PLD4: variants seen among roughly 807,000 people sequenced by gnomAD.
The protein encoded by PLD4 is phospholipase D family member 4, also known as 5'-3' exonuclease PLD4.
In PLD4, 54 loss-of-function variants were observed where a neutral mutation model predicts 52.3. That is an observed-to-expected ratio of 1.03 (90% confidence interval 0.83 to 1.30). PLD4 has a LOEUF of 1.30. Ranked by LOEUF, PLD4 falls within the 50% of genes most tolerant of loss-of-function variation. The pLI, the probability that PLD4 is intolerant of heterozygous loss-of-function variation, is 0.00. For synonymous variants in PLD4, 264 were observed against 286.5 expected, an observed-to-expected ratio of 0.92 and a Z score of 0.79; for missense variants, 731 against 671.1, an observed-to-expected ratio of 1.09 and a Z score of -0.99.
At position 104,932,447 on chromosome 14, in the gene PLD4, G is replaced by A. The variant is rs1897687796; in HGVS notation, c.1321+92G>A. 7.1e-7 allele frequency: 1 copy of A among 1,400,260 alleles called. No individual in the cohort carries two copies. The highest frequency in any genetic ancestry group is 2.4e-4 in the Middle Eastern group (1 of 4,144). 86.7% of individuals were successfully genotyped at this position (1,400,260 alleles called of 1,614,324 possible). A position where few individuals can be genotyped will look rare whatever the true frequency, so the allele number is the denominator to read the frequency against. On this transcript the variant is annotated intron_variant, in intron 10 of 10. Coordinates refer to ENST00000392593, the MANE Select transcript of PLD4 (RefSeq NM_138790.5). This position sits in a 1 kb window ranked among gnomAD's most constrained non-coding sequence, Gnocchi z 6.5. ...CTTTGTGACCGGCGTGGACACCTCA[G>A]GAGGGAGGGGCTGCTGCTGAAGGGG...
chr14:104,928,884 G>A lies in PLD4; in HGVS notation c.420G>A (p.Trp140Ter), dbSNP rs201124199. ...QESVHVASYY[W>*]SLTGPDIGVN... The stretch of plus-strand genomic sequence containing the variant: ...GCGTCCACGTGGCTTCATACTACTG[G>A]TCCCTCACAGGGCCTGACATCGGGG... The change falls in exon 4 of 11, where the codon TGG becomes TGA. Residue 140 changes from tryptophan to a stop codon, truncating the protein, a stop_gained. Coordinates refer to ENST00000392593, the MANE Select transcript of PLD4 (RefSeq NM_138790.5). LOFTEE classifies it high-confidence loss of function. The A allele has an allele frequency of 6.8e-6, 11 of 1,610,832 alleles. No homozygotes were observed. In the African/African-American group the frequency reaches 1.5e-4, roughly 22 times the overall value.
At position 104,929,446 on chromosome 14, in the gene PLD4, C is replaced by T. The variant is rs1026101723; in HGVS notation, c.589+19C>T. The stretch of plus-strand genomic sequence containing the variant: ...GCCCGAGGTGGGTACCTGCACCATG[C>T]TGGGCACCACTGCCCTAGCGTCGGG... On this transcript the variant is annotated intron_variant, in intron 5 of 10. Coordinates refer to ENST00000392593, the MANE Select transcript of PLD4 (RefSeq NM_138790.5). 10 of 1,536,454 alleles carry T rather than the reference C, an allele frequency of 6.5e-6. No individual in the cohort carries two copies. Among genetic ancestry groups the T allele is most frequent in the Admixed American group, 5.9e-5 (3 of 51,106 alleles).
chr14:104,932,420 G>A lies in PLD4; in HGVS notation c.1321+65G>A. The A allele has an allele frequency of 6.5e-7, 1 of 1,541,288 alleles. No individual in the cohort carries two copies. The highest frequency in any genetic ancestry group is 8.9e-7 in the Non-Finnish European group (1 of 1,118,512). On this transcript the variant is annotated intron_variant, in intron 10 of 10. Coordinates refer to ENST00000392593, the MANE Select transcript of PLD4 (RefSeq NM_138790.5). This position sits in a 1 kb window ranked among gnomAD's most constrained non-coding sequence, Gnocchi z 6.5. ...GCCAGGCACGGGCGAGGGAGGCACT[G>A]GCTTTGTGACCGGCGTGGACACCTC...
intron 4 of PLD4, 144 bp downstream of exon 4, chr14:104,929,076 C>T: frequency 8.0e-7 from 1 of 1,251,636 alleles, no homozygotes; most frequent in Non-Finnish European, 1.1e-6. Flanking sequence ...TAGGCCGCTC[C>T]TTTGGGGGCT....
intron 2 of PLD4, among the ~76,000 whole-genome samples, 194 bp downstream of exon 2, chr14:104,927,424 G>C (rs1214639705): frequency 6.6e-6 from 1 of 152,180 alleles, no homozygotes; most frequent in Non-Finnish European, 1.5e-5. Context: ...GCTGGGGACA[G>C]CCAGTTACCA....
chr14:104,928,585 G>C (rs1270306525), intron 3 of PLD4, among the ~76,000 whole-genome samples, 164 bp from the exon 4 acceptor site: 1 of 152,220 alleles, frequency 6.6e-6, no homozygotes, highest in Non-Finnish European at 1.5e-5. Context: ...AGTCTGTTTT[G>C]TTGCCTATAC....
At chr14:104,930,489 AT>A (rs1897605534) in intron 6 of PLD4, 1 of 584,852 alleles carries the variant, frequency 1.7e-6, no homozygotes, top group Admixed American at 3.1e-5. Context: ...GGCTTGATGC[AT>A]TTTCTATTGT....
At chr14:104,931,655 C>T in intron 7 of PLD4, 93 bp from the exon 8 acceptor site, 1 of 1,464,590 alleles carries the variant, frequency 6.8e-7, no homozygotes, top group Non-Finnish European at 9.0e-7. Context: ...TCCCTCCACA[C>T]CACATGGGGC....
Position 104,932,706 on chromosome 14 carries a change from G to C in PLD4, c.1322-59G>C. ...CCCGTAGCCGGGCCTGGCGCTGAGC[G>C]GGCTGCAGAGGGGCCTGTGGGAGCC... On this transcript the variant is annotated intron_variant, in intron 10 of 10. Coordinates refer to ENST00000392593, the MANE Select transcript of PLD4 (RefSeq NM_138790.5). The surrounding 1 kb of genome is among the most constrained non-coding windows in gnomAD (Gnocchi z 6.5). The C allele has an allele frequency of 6.9e-7, 1 of 1,439,672 alleles. No homozygotes were observed. Among genetic ancestry groups the C allele is most frequent in the Middle Eastern group, 2.4e-4 (1 of 4,214 alleles). The allele number at this position is 1,439,672 out of a possible 1,614,324, so 89.2% of individuals were successfully genotyped here.
At chr14:104,929,281 C>T in intron 4 of PLD4, 26 bp from the exon 5 acceptor site, 1 of 1,582,924 alleles carries the variant, frequency 6.3e-7, no homozygotes, top group Admixed American at 1.8e-5. Flanking sequence ...CTGAGGTCAG[C>T]TCTCATGGCT....
In PLD4 at chr14:104,933,174, TC is replaced by T; in HGVS notation, c.*212del. ...GAGCCCCACCTCCTCCAGGGAGCCC[TC>T]CAGGAAGCCCCTTCCCTGACTCCTG... On this transcript the variant is annotated 3_prime_UTR_variant, in exon 11 of 11. Coordinates refer to ENST00000392593, the MANE Select transcript of PLD4 (RefSeq NM_138790.5). 1.8e-6 allele frequency: 1 copy of T among 554,684 alleles called. No homozygotes were observed. The highest frequency in any genetic ancestry group is 3.1e-6 in the Non-Finnish European group (1 of 327,250). The allele number at this position is 554,684 out of a possible 1,614,324, so 34.4% of individuals were successfully genotyped here. A position where few individuals can be genotyped will look rare whatever the true frequency, so the allele number is the denominator to read the frequency against.
At position 104,930,085 on chromosome 14, in the gene PLD4, G is replaced by A. The variant is rs1415912767; in HGVS notation, c.697G>A (p.Asp233Asn). The A allele has an allele frequency of 6.2e-7, 1 of 1,613,478 alleles. No individual in the cohort carries two copies. Among genetic ancestry groups the A allele is most frequent in the East Asian group, 2.2e-5 (1 of 44,884 alleles). Residue 233 changes from aspartate to asparagine, a missense_variant, in exon 6 of 11, where the codon GAC becomes AAC. Transcript: ENST00000392593. ...CATATACATGGGCAGTGCCAACATG[G>A]ACTGGCGGTCTCTGACGCAGGTGAG... ...RHIYMGSANMDWRSLTQVKEL... is the reference protein window; with the variant it reads ...RHIYMGSANMNWRSLTQVKEL...
rs1358856542 is a variant in PLD4 at position 104,930,727 on chromosome 14, C to T, written c.718-15C>T. 6.2e-7 allele frequency: 1 copy of T among 1,613,030 alleles called. No homozygotes were observed. Among genetic ancestry groups the T allele is most frequent in the East Asian group, 2.2e-5 (1 of 44,888 alleles). ...GGGGTTTTTCTCCCACAGCGCCTGACTTTGGTCCCTGCAGGTGAAGGAGCT... is the reference window on the plus strand; with the variant it reads ...GGGGTTTTTCTCCCACAGCGCCTGATTTTGGTCCCTGCAGGTGAAGGAGCT... On this transcript the variant is annotated splice_polypyrimidine_tract_variant and intron_variant, in intron 6 of 10. Coordinates refer to ENST00000392593, the MANE Select transcript of PLD4 (RefSeq NM_138790.5).
chr14:104,929,236 A>G (rs1458023922), intron 4 of PLD4, 71 bp from the exon 5 acceptor site: 54 of 1,556,008 alleles, frequency 3.5e-5, no homozygotes, highest in Non-Finnish European at 4.3e-5. Flanking sequence ...TGAGGAGGAC[A>G]TGGGTCCTAG....
At position 104,929,889 on chromosome 14, in the gene PLD4, C is replaced by T. The variant is rs1897582443; in HGVS notation, c.590-89C>T. On this transcript the variant is annotated intron_variant, in intron 5 of 10. Coordinates refer to ENST00000392593, the MANE Select transcript of PLD4 (RefSeq NM_138790.5). ...ACTGTTGTGAGGACATCTGAGTCAA[C>T]CCCACTGTCAAGAGCTTGGGGTCAG... is the stretch of plus-strand genomic sequence containing the variant. 3 of 1,484,914 alleles carry T rather than the reference C, an allele frequency of 2.0e-6. No homozygotes were observed. The Admixed American group carries it at 5.4e-5, about 27-fold the overall frequency. 92.0% of individuals were successfully genotyped at this position (1,484,914 alleles called of 1,614,324 possible).
chr14:104,929,197 G>A, intron 4 of PLD4, 110 bp from the exon 5 acceptor site: 1 of 1,483,462 alleles, frequency 6.7e-7, no homozygotes, highest in Non-Finnish European at 9.1e-7. Flanking sequence ...ACCTGACCTT[G>A]AGCTGTGGGC....
chr14:104,927,370 C>T (rs879448), intron 2 of PLD4, 140 bp downstream of exon 2: 344,584 of 787,032 alleles, frequency 0.44, 83,086 homozygotes, highest in Middle Eastern at 0.58. Context: ...AGGGAAGCCT[C>T]CCTGGGCTGC....
At chr14:104,936,033 T>C (rs547076073), downstream of PLD4, 1 of 152,350 alleles carries the variant, frequency 6.6e-6, no homozygotes, top group South Asian at 2.1e-4. Context: ...TTTGTAGTGA[T>C]GTTCTTATGC....
chr14:104,932,391 G>C lies in PLD4; in HGVS notation c.1321+36G>C, dbSNP rs749554116. 1 of 1,600,300 alleles carries C rather than the reference G, an allele frequency of 6.2e-7. No individual in the cohort carries two copies. Among genetic ancestry groups the C allele is most frequent in the Non-Finnish European group, 8.5e-7 (1 of 1,169,652 alleles). On this transcript the variant is annotated intron_variant, in intron 10 of 10. Transcript: ENST00000392593. The surrounding 1 kb of genome is among the most constrained non-coding windows in gnomAD (Gnocchi z 6.5). ...TCAGATCACGGCGGGCGGGCCCCAG[G>C]GTGGCCAGGCACGGGCGAGGGAGGC...
Sources: allele counts gnomAD v4.1 joint callset (sites outside exome capture counted in the v4.1 genomes callset), GRCh38; gene constraint gnomAD v4.1.1; non-coding constraint Gnocchi (gnomAD v3.1); transcripts MANE v1.5; gene names NCBI Gene and HGNC (gene_info 2026-07-23, HGNC 2026-07-21).